ATP8B4: variants seen among roughly 807,000 people sequenced by gnomAD.
ATP8B4 encodes ATPase phospholipid transporting 8B4 (putative).
Under a neutral mutation model 145.6 loss-of-function variants are expected in ATP8B4, and 133 were observed. The observed-to-expected ratio is 0.91, with a 90% CI of 0.79 to 1.05. ATP8B4 has a LOEUF of 1.05. Ranked by LOEUF, ATP8B4 falls within the 50% of genes least tolerant of loss-of-function variation. The pLI, the probability that ATP8B4 is intolerant of heterozygous loss-of-function variation, is 0.00. For missense variants in ATP8B4, 1,458 were observed against 1,425.2 expected (o/e 1.02, Z -0.37); for synonymous variants, 507 against 492.9 (o/e 1.03, Z -0.38).
At chr15:50,066,813 C>T (rs546798297) in intron 3 of ATP8B4, among the ~76,000 whole-genome samples, 1 of 152,074 alleles carries the variant, frequency 6.6e-6, no homozygotes, top group East Asian at 1.9e-4. Context: ...TTTTTTTCTG[C>T]CCTCCGACTT....
At chr15:49,997,128 G>C (rs1024462903) in intron 8 of ATP8B4, among the ~76,000 whole-genome samples, 11 of 152,130 alleles carry the variant, frequency 7.2e-5, no homozygotes, top group African/African-American at 2.4e-4. Context: ...TATCACTCCA[G>C]AGTCTACTAT....
chr15:50,181,106 G>C (rs926716596), intron 1 of ATP8B4, among the ~76,000 whole-genome samples: 1 of 152,182 alleles, frequency 6.6e-6, no homozygotes, highest in Non-Finnish European at 1.5e-5. Flanking sequence ...GCATGAAAGT[G>C]CCACCTGTAT....
rs762729078 is a variant in ATP8B4, at chr15:49,979,684, C to G, written c.967G>C (p.Gly323Arg). The G allele has an allele frequency of 6.2e-7, 1 of 1,605,966 alleles. No individual in the cohort carries two copies. The highest frequency in any genetic ancestry group is 8.5e-7 in the Non-Finnish European group (1 of 1,174,262). ...ATATATGACCAGAATGTTAAGAATC[C>G]GGAGAACACAGAGCTCTTCTCTCCT... ...NEGEKSSVFS[G>R]FLTFWSYIII... The change falls in exon 12 of 28, where the codon GGA becomes CGA. Residue 323 changes from glycine to arginine, a missense_variant. By Grantham distance (125) the Gly-to-Arg change is moderately radical. Transcript: ENST00000284509.
At chr15:50,170,503 C>CT (rs1555498985) in intron 1 of ATP8B4, among the ~76,000 whole-genome samples, 1 of 147,778 alleles carries the variant, frequency 6.8e-6, no homozygotes, top group Non-Finnish European at 1.5e-5. Context: ...AAACCCCCCC[C>CT]ACCCTCCACA....
intron 2 of ATP8B4, among the ~76,000 whole-genome samples, chr15:50,102,543 G>A (rs1600393716): frequency 6.6e-6 from 1 of 151,980 alleles, no homozygotes; most frequent in East Asian, 1.9e-4. Context: ...GATTAAACCG[G>A]GAACAAACAG....
chr15:49,899,626 GGTC>G (rs2037801212), intron 21 of ATP8B4, among the ~76,000 whole-genome samples: 1 of 151,974 alleles, frequency 6.6e-6, no homozygotes, highest in African/African-American at 2.4e-5. Flanking sequence ...TGCCTAGAAT[GGTC>G]TCTTTCTCTC....
intron 20 of ATP8B4, chr15:49,908,231 C>A: frequency 2.5e-6 from 1 of 396,166 alleles, no homozygotes; most frequent in South Asian, 1.9e-5. Flanking sequence ...CTTCCTTCAG[C>A]AAGAGTCAAG....
rs1373230505 is a variant in ATP8B4, at chr15:49,931,166, A to G, written c.1595T>C (p.Leu532Pro). The G allele has an allele frequency of 1.9e-6, 3 of 1,612,484 alleles. No individual in the cohort carries two copies. Among genetic ancestry groups the G allele is most frequent in the Middle Eastern group, 1.7e-4 (1 of 6,044 alleles). Residue 532 changes from leucine to proline, a missense_variant, in exon 16 of 28, where the codon CTT becomes CCT. Transcript: ENST00000284509. ...ELGTLVTYQL[L>P]AFLDFNNTRK... is the part of the protein sequence containing the mutation. Reference sequence around the variant, plus strand: ...GGTGTTGTTGAAATCCAAAAAGGCAAGTAATTGATAAGTAACTAGTGTTCC... The same window carrying G: ...GGTGTTGTTGAAATCCAAAAAGGCAGGTAATTGATAAGTAACTAGTGTTCC...
intron 26 of ATP8B4, among the ~76,000 whole-genome samples, chr15:49,865,541 G>A (rs573061595): frequency 7.9e-5 from 12 of 152,272 alleles, no homozygotes; most frequent in African/African-American, 2.4e-4. Context: ...GCAGTCATGC[G>A]GAACTTAGCC....
chr15:50,043,586 G>GT (rs1260785035), intron 5 of ATP8B4, among the ~76,000 whole-genome samples: 2 of 152,054 alleles, frequency 1.3e-5, no homozygotes, highest in Non-Finnish European at 2.9e-5. Flanking sequence ...TCCACTTAAT[G>GT]AATAGCATAT....
intron 1 of ATP8B4, among the ~76,000 whole-genome samples, chr15:50,158,620 G>T (rs1176935307): frequency 1.3e-5 from 2 of 152,262 alleles, no homozygotes; most frequent in East Asian, 3.8e-4. Context: ...ACAGCTCATT[G>T]AGAATGGGCC....
At chr15:50,149,898 T>C (rs1251819007) in intron 1 of ATP8B4, among the ~76,000 whole-genome samples, 1 of 152,112 alleles carries the variant, frequency 6.6e-6, no homozygotes, top group Non-Finnish European at 1.5e-5. Flanking sequence ...GTCAGGAGTT[T>C]GAGACCAGCC....
chr15:50,098,990 G>T (rs1459733406), intron 2 of ATP8B4, among the ~76,000 whole-genome samples: 1 of 152,040 alleles, frequency 6.6e-6, no homozygotes, highest in Non-Finnish European at 1.5e-5. Flanking sequence ...TTTTTATGGA[G>T]GAAGGGACCC....
chr15:50,066,684 G>A (rs768232390), intron 3 of ATP8B4, among the ~76,000 whole-genome samples: 3 of 152,110 alleles, frequency 2.0e-5, no homozygotes, highest in Admixed American at 6.5e-5. Flanking sequence ...TTTAAAAATG[G>A]TTGACCAAAT....
intron 16 of ATP8B4, among the ~76,000 whole-genome samples, chr15:49,925,035 C>T (rs966782674): frequency 5.3e-5 from 8 of 152,048 alleles, no homozygotes; most frequent in Non-Finnish European, 8.8e-5. Context: ...CATTAGTTCT[C>T]TAACTTATGG....
At chr15:49,990,297 C>G (rs936299088) in intron 9 of ATP8B4, among the ~76,000 whole-genome samples, 5 of 152,112 alleles carry the variant, frequency 3.3e-5, no homozygotes, top group Non-Finnish European at 7.4e-5. Flanking sequence ...AGTAAATGAT[C>G]AGTTTGACAA....
intron 2 of ATP8B4, among the ~76,000 whole-genome samples, chr15:50,079,119 G>A (rs1046411461): frequency 2.6e-5 from 4 of 152,096 alleles, no homozygotes; most frequent in Non-Finnish European, 4.4e-5. Flanking sequence ...TGTTTGAGGG[G>A]ATGGATACCC....
At chr15:49,863,546 G>A (rs1276569371) in intron 26 of ATP8B4, among the ~76,000 whole-genome samples, 2 of 152,138 alleles carry the variant, frequency 1.3e-5, no homozygotes, top group South Asian at 2.1e-4. Flanking sequence ...CCCTATCCCA[G>A]TATTCAAAGC....
chr15:49,978,079 A>G lies in ATP8B4; in HGVS notation c.1034+1538T>C, dbSNP rs182941094. Among the ~76,000 whole-genome samples, 243 of 152,186 alleles carry G rather than the reference A, an allele frequency of 1.6e-3. 1 individual carries two copies. Among genetic ancestry groups the G allele is most frequent in the African/African-American group, 5.5e-3 (230 of 41,514 alleles). On this transcript the variant is annotated intron_variant, in intron 12 of 27. Transcript: ENST00000284509. ...CCTTTGGTCTCTTAAAAAAAAATCA[A>G]TCTTTCAAATCATTAAATGAAAATG...
Sources: allele counts gnomAD v4.1 joint callset (sites outside exome capture counted in the v4.1 genomes callset), GRCh38; gene constraint gnomAD v4.1.1; transcripts MANE v1.5; gene names NCBI Gene and HGNC (gene_info 2026-07-23, HGNC 2026-07-21).